Variants in CLASP1 observed in about 807,000 individuals in gnomAD.
CLASP1 encodes CLIP-associating protein 1.
In CLASP1, 38 loss-of-function variants were observed where a neutral mutation model predicts 192.3. The ratio of observed to expected loss-of-function variants is 0.20; its 90% CI spans 0.15 to 0.26. The LOEUF (loss-of-function observed/expected upper bound fraction) is 0.26, where lower values mean the gene tolerates loss of function less well. Among genes scored for constraint, CLASP1 ranks in the 10% least tolerant of loss-of-function variants. The probability of loss-of-function intolerance (pLI) is 1.00; values close to 1 mark genes in which losing one functional copy is unlikely to be tolerated. For synonymous variants in CLASP1, 691 were observed against 712.8 expected, an observed-to-expected ratio of 0.97 and a Z score of 0.49; for missense variants, 1,433 against 1,932.5, an observed-to-expected ratio of 0.74 and a Z score of 4.85.
intron 1 of CLASP1, among the ~76,000 whole-genome samples, chr2:121,640,678 A>C (rs2071884719): frequency 7.1e-6 from 1 of 141,386 alleles, no homozygotes; most frequent in Non-Finnish European, 1.5e-5. Context: ...GAACAACCTG[A>C]GCTGGAAAAA....
chr2:121,604,315 A>G (rs1489642332), intron 2 of CLASP1, among the ~76,000 whole-genome samples: 1 of 152,264 alleles, frequency 6.6e-6, no homozygotes, highest in African/African-American at 2.4e-5. Context: ...GAAGCAATTG[A>G]TAATTTCAGC....
At chr2:121,628,847 G>A (rs2068893271) in intron 1 of CLASP1, among the ~76,000 whole-genome samples, 1 of 150,138 alleles carries the variant, frequency 6.7e-6, no homozygotes, top group African/African-American at 2.5e-5. Flanking sequence ...GCTAAAATGG[G>A]GTGGGCACCA....
chr2:121,538,337 G>A (rs560059873), intron 2 of CLASP1, among the ~76,000 whole-genome samples: 3 of 152,066 alleles, frequency 2.0e-5, no homozygotes, highest in South Asian at 2.1e-4. Flanking sequence ...GCTTGAAACC[G>A]GGAGGCAGAT....
chr2:121,570,970 C>T (rs2059922872), intron 2 of CLASP1, among the ~76,000 whole-genome samples: 1 of 151,830 alleles, frequency 6.6e-6, no homozygotes. Context: ...AATCTTCCTG[C>T]CTTACAGAAC....
intron 33 of CLASP1, among the ~76,000 whole-genome samples, chr2:121,378,014 T>C (rs1484806300): frequency 2.0e-5 from 3 of 152,194 alleles, no homozygotes; most frequent in Non-Finnish European, 4.4e-5. Flanking sequence ...TTGTTACTGG[T>C]CTCAAATGTA....
intron 5 of CLASP1, 66 bp downstream of exon 5, chr2:121,527,733 T>C: frequency 1.6e-6 from 2 of 1,229,794 alleles, no homozygotes; most frequent in Non-Finnish European, 2.3e-6. Context: ...AATCTATAAT[T>C]ATTTCAAAAT....
intron 2 of CLASP1, among the ~76,000 whole-genome samples, chr2:121,592,410 T>C (rs559787697): frequency 5.9e-5 from 9 of 152,328 alleles, no homozygotes; most frequent in Admixed American, 1.3e-4. Flanking sequence ...TGAATATAAA[T>C]GTACCTAAGT....
chr2:121,573,474 C>G (rs1476103532), intron 2 of CLASP1, among the ~76,000 whole-genome samples: 1 of 152,208 alleles, frequency 6.6e-6, no homozygotes, highest in Non-Finnish European at 1.5e-5. Flanking sequence ...GTATCATGGT[C>G]TGGATTACCA....
chr2:121,509,937 AAAAG>A (rs2094072124), intron 7 of CLASP1, among the ~76,000 whole-genome samples: 1 of 152,260 alleles, frequency 6.6e-6, no homozygotes. Flanking sequence ...ATTAATAACA[AAAAG>A]AAATAAGAAA....
At chr2:121,403,331 A>C (rs2076410968) in intron 26 of CLASP1, 2 of 449,550 alleles carry the variant, frequency 4.4e-6, no homozygotes, top group Admixed American at 4.7e-5. Context: ...CCTGCCCCAG[A>C]GCAGGTACTC....
At position 121,345,598 on chromosome 2, in the gene CLASP1, G is replaced by A. The variant is rs540859338; in HGVS notation, c.4530+1440C>T. 1.6e-3 allele frequency among the ~76,000 whole-genome samples: 242 copies of A among 152,302 alleles called. 3 individuals carry two copies. Among genetic ancestry groups the A allele is most frequent in the African/African-American group, 5.2e-3 (217 of 41,570 alleles). ...GGAGAGCTGGGGGGACTTTTGCTCT[G>A]TATCTTTCAGATAATTAGGAAGGGG... On this transcript the variant is annotated intron_variant, in intron 39 of 39. Coordinates refer to ENST00000263710, the Ensembl canonical transcript of CLASP1.
chr2:121,411,025 C>T, intron 23 of CLASP1, 56 bp from the exon 25 acceptor site: 1 of 1,153,594 alleles, frequency 8.7e-7, no homozygotes, highest in Non-Finnish European at 1.2e-6. Context: ...TATTTCAATT[C>T]CTTGCAAGGA....
chr2:121,458,180 T>C (rs1336629819), intron 13 of CLASP1, among the ~76,000 whole-genome samples: 4 of 152,134 alleles, frequency 2.6e-5, no homozygotes, highest in South Asian at 2.1e-4. Flanking sequence ...ACAAAGTAAA[T>C]AACCAATAAT....
chr2:121,575,968 G>A (rs962469458), intron 2 of CLASP1, among the ~76,000 whole-genome samples: 2 of 152,224 alleles, frequency 1.3e-5, no homozygotes, highest in South Asian at 4.1e-4. Context: ...GTAGCTAAGA[G>A]CATGACACAG....
Position 121,418,682 on chromosome 2 carries a change from G to A in CLASP1, c.2260C>T (p.Arg754Cys), listed in dbSNP as rs181847582. Residue 754 changes from arginine to cysteine, a missense_variant, in exon 23 of 40, where the codon CGC becomes TGC. By Grantham distance (180) the Arg-to-Cys change is radical. Coordinates refer to ENST00000263710, the Ensembl canonical transcript of CLASP1. ...CGGCTGCTCTCACGGCTGGTATCGCGGCTGCACCCCTGACTCATGCTGGGT... is the reference window on the plus strand; with the variant it reads ...CGGCTGCTCTCACGGCTGGTATCGCAGCTGCACCCCTGACTCATGCTGGGT... The A allele has an allele frequency of 4.5e-5, 73 of 1,613,890 alleles. 1 individual carries two copies. In the Admixed American group the frequency reaches 9.7e-4, roughly 21 times the overall value.
chr2:121,454,765 C>T (rs2086267570), intron 14 of CLASP1, among the ~76,000 whole-genome samples: 1 of 152,178 alleles, frequency 6.6e-6, no homozygotes, highest in Non-Finnish European at 1.5e-5. Flanking sequence ...TCCGTGTCAT[C>T]TTATCGGAGA....
At chr2:121,529,267 A>T (rs954683646) in intron 3 of CLASP1, among the ~76,000 whole-genome samples, 1 of 152,178 alleles carries the variant, frequency 6.6e-6, no homozygotes, top group Non-Finnish European at 1.5e-5. Flanking sequence ...CTTCCCCGAC[A>T]TACCCAGGGT....
intron 2 of CLASP1, among the ~76,000 whole-genome samples, chr2:121,550,708 G>A (rs2057956977): frequency 6.6e-6 from 1 of 152,110 alleles, no homozygotes; most frequent in Non-Finnish European, 1.5e-5. Context: ...CTGATTCCCT[G>A]AGCAGACAAA....
intron 19 of CLASP1, among the ~76,000 whole-genome samples, chr2:121,446,294 G>C (rs1469449008): frequency 6.6e-6 from 1 of 152,092 alleles, no homozygotes; most frequent in Non-Finnish European, 1.5e-5. Context: ...TATGAGTTAG[G>C]TGGCTATTAT....
Sources: gnomAD v4.1 joint callset for allele counts (sites outside exome capture counted in the v4.1 genomes callset) on GRCh38, gnomAD v4.1.1 for gene constraint, MANE v1.5 for transcripts, NCBI Gene and HGNC (gene_info 2026-07-23, HGNC 2026-07-21) for gene names.